Variants in PEX26 observed in about 807,000 individuals in gnomAD.
PEX26 encodes peroxisomal biogenesis factor 26.
PEX26 carries 18 observed loss-of-function variants against 31.4 expected under a neutral mutation model. The ratio of observed to expected loss-of-function variants is 0.57; its 90% CI spans 0.40 to 0.85. The LOEUF (loss-of-function observed/expected upper bound fraction) is 0.85, where lower values mean the gene tolerates loss of function less well. Among genes scored for constraint, PEX26 ranks in the 40% least tolerant of loss-of-function variants. The pLI is 0.00. For missense variants in PEX26, 377 were observed against 383.9 expected (o/e 0.98, Z 0.15); for synonymous variants, 176 against 166.9 (o/e 1.05, Z -0.42).
rs1207604403 is a variant in PEX26 at position 18,096,063 on chromosome 22, T to A, written c.*7988T>A. The A allele has an allele frequency of 6.6e-6, 1 of 152,256 alleles. No individual in the cohort carries two copies. Among genetic ancestry groups the A allele is most frequent in the Non-Finnish European group, 1.5e-5 (1 of 68,080 alleles). 9.4% of individuals were successfully genotyped at this position (152,256 alleles called of 1,614,324 possible). On this transcript the variant is annotated 3_prime_UTR_variant, in exon 5 of 5. Coordinates refer to ENST00000399744, the MANE Select transcript of PEX26 (RefSeq NM_001127649.3). ...GTCTTGAACTCTTGACCTCAAGTGA[T>A]CTGCATGCCTCACCTCCCAAAGTGT...
At position 18,099,567 on chromosome 22, in the gene PEX26, C is replaced by G. The variant is rs1715264119; in HGVS notation, c.*11492C>G. 6.6e-6 allele frequency: 1 copy of G among 152,146 alleles called. No homozygotes were observed. The highest frequency in any genetic ancestry group is 6.5e-5 in the Admixed American group (1 of 15,276). The allele number at this position is 152,146 out of a possible 1,614,324, so 9.4% of individuals were successfully genotyped here. A position where few individuals can be genotyped will look rare whatever the true frequency, so the allele number is the denominator to read the frequency against. The stretch of plus-strand genomic sequence containing the variant: ...ATTCTTTTTCATTTAATATTATTAC[C>G]TATTCAGCTTCCAACATTATCACTT... On this transcript the variant is annotated 3_prime_UTR_variant, in exon 5 of 5. Coordinates refer to ENST00000399744, the MANE Select transcript of PEX26 (RefSeq NM_001127649.3).
rs752669637 is a variant in PEX26, at chr22:18,097,695, A to C, written c.*9620A>C. 1.3e-5 allele frequency: 2 copies of C among 151,424 alleles called. No individual in the cohort carries two copies. The highest frequency in any genetic ancestry group is 3.0e-5 in the Non-Finnish European group (2 of 67,698). The allele number at this position is 151,424 out of a possible 1,614,324, so 9.4% of individuals were successfully genotyped here. ...TGTAGTATATTATGTACTCTGTTTT[A>C]TTCCTTCCTTTTTTTTTCTTATAAA... On this transcript the variant is annotated 3_prime_UTR_variant, in exon 5 of 5. Transcript: ENST00000399744.
At chr22:18,079,114 T>C in intron 1 of PEX26, 1 of 620,816 alleles carries the variant, frequency 1.6e-6, no homozygotes, top group Non-Finnish European at 2.0e-6. Flanking sequence ...GCAGGAGGAT[T>C]GCTTGAGCCC....
rs944490204 is a variant in PEX26, at chr22:18,097,660, A to T, written c.*9585A>T. 8 of 151,972 alleles carry T rather than the reference A, an allele frequency of 5.3e-5. No individual in the cohort carries two copies. The highest frequency in any genetic ancestry group is 7.4e-5 in the Non-Finnish European group (5 of 67,984). 9.4% of individuals were successfully genotyped at this position (151,972 alleles called of 1,614,324 possible). ...GATCCTAGTTTCTTCTCCTTTTTAT[A>T]AAAAAAACCTGTAGTATATTATGTA... On this transcript the variant is annotated 3_prime_UTR_variant, in exon 5 of 5. Transcript: ENST00000399744.
In PEX26 at chr22:18,093,126, GATAC is replaced by G. The variant is rs925235730; in HGVS notation, c.*5057_*5060del. ...CAGGAGTTTGTTTTTTCTTTGTGCAGATACATACAGAGACTGGGATATGTAAAAA... is the reference window on the plus strand; with the variant it reads ...CAGGAGTTTGTTTTTTCTTTGTGCAGATACAGAGACTGGGATATGTAAAAA... On this transcript the variant is annotated 3_prime_UTR_variant, in exon 5 of 5. Coordinates refer to ENST00000399744, the MANE Select transcript of PEX26 (RefSeq NM_001127649.3). 2 of 152,080 alleles carry G rather than the reference GATAC, an allele frequency of 1.3e-5. No homozygotes were observed. Among genetic ancestry groups the G allele is most frequent in the African/African-American group, 2.4e-5 (1 of 41,406 alleles). The allele number at this position is 152,080 out of a possible 1,614,324, so 9.4% of individuals were successfully genotyped here.
Position 18,097,411 on chromosome 22 carries a change from C to T in PEX26, c.*9336C>T, listed in dbSNP as rs1465341000. The T allele has an allele frequency of 1.3e-5, 2 of 152,080 alleles. No homozygotes were observed. Among genetic ancestry groups the T allele is most frequent in the Non-Finnish European group, 2.9e-5 (2 of 68,114 alleles). 9.4% of individuals were successfully genotyped at this position (152,080 alleles called of 1,614,324 possible). A position where few individuals can be genotyped will look rare whatever the true frequency, so the allele number is the denominator to read the frequency against. ...CCCAAGTGGCTGGGACTACAGGCTC[C>T]TGCCACCGCGCCCGGCTAATTTTTT... is the stretch of plus-strand genomic sequence containing the variant. On this transcript the variant is annotated 3_prime_UTR_variant, in exon 5 of 5. Transcript: ENST00000399744.
In PEX26 at chr22:18,104,689, C is replaced by T. The variant is rs1927566514; in HGVS notation, c.*16614C>T. On this transcript the variant is annotated 3_prime_UTR_variant, in exon 5 of 5. Coordinates refer to ENST00000399744, the MANE Select transcript of PEX26 (RefSeq NM_001127649.3). ...CTCCCGCTCCCAGTGCTCACTGCCTCTTGTTCTCACTGCCTCCTGTTCTCA... is the reference window on the plus strand; with the variant it reads ...CTCCCGCTCCCAGTGCTCACTGCCTTTTGTTCTCACTGCCTCCTGTTCTCA... 1 of 152,780 alleles carries T rather than the reference C, an allele frequency of 6.5e-6. No individual in the cohort carries two copies. The highest frequency in any genetic ancestry group is 2.4e-5 in the African/African-American group (1 of 41,426). 9.5% of individuals were successfully genotyped at this position (152,780 alleles called of 1,614,324 possible). A position where few individuals can be genotyped will look rare whatever the true frequency, so the allele number is the denominator to read the frequency against.
chr22:18,094,265 G>A lies in PEX26; in HGVS notation c.*6190G>A, dbSNP rs970270019. 6.6e-6 allele frequency: 1 copy of A among 151,430 alleles called. No individual in the cohort carries two copies. The highest frequency in any genetic ancestry group is 1.5e-5 in the Non-Finnish European group (1 of 68,022). The allele number at this position is 151,430 out of a possible 1,614,324, so 9.4% of individuals were successfully genotyped here. A position where few individuals can be genotyped will look rare whatever the true frequency, so the allele number is the denominator to read the frequency against. The stretch of plus-strand genomic sequence containing the variant: ...CTCGCTCTGTCACCCAGGCTGGAAT[G>A]CAGTGGCGTGATCTCAGCTCACTGC... On this transcript the variant is annotated 3_prime_UTR_variant, in exon 5 of 5. Transcript: ENST00000399744.
In PEX26 at chr22:18,093,083, C is replaced by G. The variant is rs1381573932; in HGVS notation, c.*5008C>G. The G allele has an allele frequency of 6.6e-6, 1 of 151,982 alleles. No homozygotes were observed. The highest frequency in any genetic ancestry group is 2.4e-5 in the African/African-American group (1 of 41,334). The allele number at this position is 151,982 out of a possible 1,614,324, so 9.4% of individuals were successfully genotyped here. On this transcript the variant is annotated 3_prime_UTR_variant, in exon 5 of 5. Transcript: ENST00000399744. Reference sequence around the variant, plus strand: ...GGAGCAGACACGCAGTCCTGGGAACCCTTCAATAAGAGCAAAGCAGGAGTT... The same window carrying G: ...GGAGCAGACACGCAGTCCTGGGAACGCTTCAATAAGAGCAAAGCAGGAGTT...
Position 18,090,395 on chromosome 22 carries a change from C to T in PEX26, c.*2320C>T, listed in dbSNP as rs1435000728. 3 of 152,294 alleles carry T rather than the reference C, an allele frequency of 2.0e-5. No individual in the cohort carries two copies. The highest frequency in any genetic ancestry group is 1.3e-4 in the Admixed American group (2 of 15,292). The allele number at this position is 152,294 out of a possible 1,614,324, so 9.4% of individuals were successfully genotyped here. On this transcript the variant is annotated 3_prime_UTR_variant, in exon 5 of 5. Coordinates refer to ENST00000399744, the MANE Select transcript of PEX26 (RefSeq NM_001127649.3). ...GCTGCCCACCATCACAGCTACAGCT[C>T]GCTCCCCTTGGCCTCTGTGCCTTGG...
intron 1 of PEX26, 134 bp from the exon 2 acceptor site, chr22:18,079,740 A>G (rs926106161): frequency 6.8e-6 from 7 of 1,026,154 alleles, no homozygotes; most frequent in Admixed American, 1.8e-5. Context: ...TGTGAAGCCC[A>G]TCTAAATACT....
Position 18,078,014 on chromosome 22 carries a change from G to T in PEX26, c.-363G>T, listed in dbSNP as rs138787474. 1.6e-4 allele frequency: 75 copies of T among 465,028 alleles called. 1 individual carries two copies. The highest frequency in any genetic ancestry group is 1.2e-3 in the South Asian group (74 of 63,206). 28.8% of individuals were successfully genotyped at this position (465,028 alleles called of 1,614,324 possible). ...CGCGCGGCTGCGGGGCTGGGCGAGC[G>T]CAAAGATGTCCGCGCCCGCTGCCGG... On this transcript the variant is annotated 5_prime_UTR_variant, in exon 1 of 5. Coordinates refer to ENST00000399744, the MANE Select transcript of PEX26 (RefSeq NM_001127649.3).
In PEX26 at chr22:18,095,471, C is replaced by G. The variant is rs955328353; in HGVS notation, c.*7396C>G. On this transcript the variant is annotated 3_prime_UTR_variant, in exon 5 of 5. Coordinates refer to ENST00000399744, the MANE Select transcript of PEX26 (RefSeq NM_001127649.3). ...TTTTGGTCGCCCCACCAGAGACATC[C>G]TACCCATTCCCAGTCCCTCTGTGGG... 2.6e-5 allele frequency: 4 copies of G among 152,126 alleles called. No homozygotes were observed. The highest frequency in any genetic ancestry group is 5.9e-5 in the Non-Finnish European group (4 of 67,996). 9.4% of individuals were successfully genotyped at this position (152,126 alleles called of 1,614,324 possible).
In PEX26 at chr22:18,101,707, C is replaced by T; in HGVS notation, c.*13632C>T. The T allele has an allele frequency of 3.6e-6, 1 of 274,400 alleles. No homozygotes were observed. Among genetic ancestry groups the T allele is most frequent in the South Asian group, 5.7e-5 (1 of 17,436 alleles). The allele number at this position is 274,400 out of a possible 1,614,324, so 17.0% of individuals were successfully genotyped here. ...ATCCAGAGCAGCAGTGATGAAATCA[C>T]CCTCTCCTTTAAGACCTGGCATTAC... is the stretch of plus-strand genomic sequence containing the variant. On this transcript the variant is annotated 3_prime_UTR_variant, in exon 5 of 5. Coordinates refer to ENST00000399744, the MANE Select transcript of PEX26 (RefSeq NM_001127649.3).
rs362128 is a variant in PEX26, at chr22:18,091,949, C to T, written c.*3874C>T. The T allele has an allele frequency of 0.85, 130,145 of 152,224 alleles. 56,223 individuals are homozygous for T. Among genetic ancestry groups the T allele is most frequent in the East Asian group, 0.93 (4,833 of 5,174 alleles). 9.4% of individuals were successfully genotyped at this position (152,224 alleles called of 1,614,324 possible). A position where few individuals can be genotyped will look rare whatever the true frequency, so the allele number is the denominator to read the frequency against. On this transcript the variant is annotated 3_prime_UTR_variant, in exon 5 of 5. Coordinates refer to ENST00000399744, the MANE Select transcript of PEX26 (RefSeq NM_001127649.3). ...CAGGCCAGTTCACACTCTGGACGTT[C>T]AGTTTCTTTCTACATCTAGAAGGTG... is the stretch of plus-strand genomic sequence containing the variant.
At position 18,088,474 on chromosome 22, in the gene PEX26, A is replaced by C. The variant is rs555963898; in HGVS notation, c.*399A>C. On this transcript the variant is annotated 3_prime_UTR_variant, in exon 5 of 5. Transcript: ENST00000399744. The surrounding 1 kb of genome is among the most constrained non-coding windows in gnomAD (Gnocchi z 4.1). ...CTGGTGAAGTGACCCTTGGCCTTTC[A>C]CTTCTTGAGAAACATACTTCTTTGC... is the stretch of plus-strand genomic sequence containing the variant. The C allele has an allele frequency of 5.6e-4, 190 of 338,970 alleles. 3 individuals carry two copies. Among genetic ancestry groups the C allele is most frequent in the South Asian group, 4.6e-3 (188 of 40,448 alleles). 21.0% of individuals were successfully genotyped at this position (338,970 alleles called of 1,614,324 possible). A position where few individuals can be genotyped will look rare whatever the true frequency, so the allele number is the denominator to read the frequency against.
At chr22:18,085,888 A>G (rs1377191445) in intron 4 of PEX26, among the ~76,000 whole-genome samples, 1 of 152,072 alleles carries the variant, frequency 6.6e-6, no homozygotes, top group Admixed American at 6.5e-5. Context: ...AAAAACAAAA[A>G]ACAAAAAAAC....
intron 2 of PEX26, among the ~76,000 whole-genome samples, chr22:18,081,151 T>TTATATATATATATA (rs60289884): frequency 1.4e-4 from 20 of 141,372 alleles, no homozygotes; most frequent in African/African-American, 4.8e-4. Flanking sequence ...TAGTATTCCA[T>TTATATATATATATA]TATATATATA....
Position 18,078,457 on chromosome 22 carries a change from G to C in PEX26, c.81G>C (p.Ala27=), listed in dbSNP as rs1419335565. 1.3e-6 allele frequency: 2 copies of C among 1,577,092 alleles called. No homozygotes were observed. The highest frequency in any genetic ancestry group is 1.8e-5 in the Admixed American group (1 of 54,896). The change falls in exon 1 of 5, where the codon GCG becomes GCC. Residue 27 remains alanine, a synonymous_variant. Coordinates refer to ENST00000399744, the MANE Select transcript of PEX26 (RefSeq NM_001127649.3). ...TGCGCAGCAGCGAGCCGGTGCGCGCGGTCCCGGCCCGGGCGCCGGCCGTGG... is the reference window on the plus strand; with the variant it reads ...TGCGCAGCAGCGAGCCGGTGCGCGCCGTCCCGGCCCGGGCGCCGGCCGTGG... The part of the protein sequence containing the change: ...GPLRSSEPVR[A]VPARAPAVDL...
Sources: allele counts gnomAD v4.1 joint callset (sites outside exome capture counted in the v4.1 genomes callset), GRCh38; gene constraint gnomAD v4.1.1; non-coding constraint Gnocchi (gnomAD v3.1); transcripts MANE v1.5; gene names NCBI Gene and HGNC (gene_info 2026-07-23, HGNC 2026-07-21).